PTGER3: variants seen among roughly 807,000 people sequenced by gnomAD.
PTGER3 encodes the protein prostaglandin E2 receptor EP3 subtype.
A neutral mutation model predicts 34.7 loss-of-function variants in PTGER3; 22 were observed. The ratio of observed to expected loss-of-function variants is 0.63; its 90% confidence interval spans 0.45 to 0.91. The LOEUF (loss-of-function observed/expected upper bound fraction) is 0.91. Among genes scored for constraint, PTGER3 ranks in the 40% least tolerant of loss-of-function variants. The pLI is 0.00. For missense variants in PTGER3, 468 were observed against 519.4 expected (o/e 0.90, Z 0.96); for synonymous variants, 241 against 230.1 (o/e 1.05, Z -0.43).
chr1:71,024,648 T>TC (rs1384960805), intron 1 of PTGER3, among the ~76,000 whole-genome samples: 1 of 57,312 alleles, frequency 1.7e-5, no homozygotes, highest in Non-Finnish European at 5.1e-5. Context: ...TTTCTTTCTT[T>TC]TTTTTTTTTT....
chr1:70,971,342 CAT>C lies in PTGER3; in HGVS notation c.*386_*387del. 4.0e-6 allele frequency: 4 copies of C among 997,906 alleles called. No homozygotes were observed. Among genetic ancestry groups the C allele is most frequent in the Non-Finnish European group, 3.6e-6 (3 of 838,538 alleles). 61.8% of individuals were successfully genotyped at this position (997,906 alleles called of 1,614,324 possible). On this transcript the variant is annotated 3_prime_UTR_variant, in exon 4 of 4. Coordinates refer to ENST00000306666, the MANE Select transcript of PTGER3 (RefSeq NM_198719.2). ...TAAGCTTATACTGATTTTTCAAACT[CAT>C]ATTGCAAAAGCAAGCTATCATGAAA...
At chr1:71,020,485 T>C (rs2244018) in intron 1 of PTGER3, among the ~76,000 whole-genome samples, 139,745 of 152,108 alleles carry the variant, frequency 0.92, 64,323 homozygotes, top group African/African-American at 0.97. Context: ...CAGTTTTTTT[T>C]TGATGATTTT....
At chr1:71,027,947 T>C (rs1659079262) in intron 1 of PTGER3, among the ~76,000 whole-genome samples, 1 of 152,222 alleles carries the variant, frequency 6.6e-6, no homozygotes, top group African/African-American at 2.4e-5. Context: ...ATGTGGCTAG[T>C]GGCTACTATG....
At chr1:70,936,510 T>C (rs1431639324) in intron 4 of PTGER3, among the ~76,000 whole-genome samples, 1 of 152,168 alleles carries the variant, frequency 6.6e-6, no homozygotes, top group Admixed American at 6.6e-5. Flanking sequence ...AAAGTCTGGA[T>C]ACTTTACATA....
rs1432097200 is a variant in PTGER3, at chr1:70,933,987, G to A, written c.*23+19776C>T. On this transcript the variant is annotated intron_variant, in intron 4 of 4. Transcript: ENST00000370931. Reference sequence around the variant, plus strand: ...AAGTGCTGAAGTAAGTATGCACATGGAAGAATAGGATGGCTCCTGTCCCTG... The same window carrying A: ...AAGTGCTGAAGTAAGTATGCACATGAAAGAATAGGATGGCTCCTGTCCCTG... Among the ~76,000 whole-genome samples, 3 of 152,106 alleles carry A rather than the reference G, an allele frequency of 2.0e-5. No homozygotes were observed. In the East Asian group the frequency reaches 5.8e-4, roughly 29 times the overall value.
chr1:70,928,917 T>A (rs866783382), intron 4 of PTGER3, among the ~76,000 whole-genome samples: 99 of 151,726 alleles, frequency 6.5e-4, no homozygotes, highest in African/African-American at 2.4e-3. Flanking sequence ...CACACATACA[T>A]ATATATAAAC....
chr1:71,039,567 A>G (rs1007740701), intron 1 of PTGER3, among the ~76,000 whole-genome samples: 51 of 147,926 alleles, frequency 3.4e-4, no homozygotes, highest in East Asian at 5.9e-4. Flanking sequence ...GGAGAATGGC[A>G]TGAACCCGGG....
At chr1:70,911,122 C>G (rs1369041682) in intron 4 of PTGER3, among the ~76,000 whole-genome samples, 1 of 151,262 alleles carries the variant, frequency 6.6e-6, no homozygotes, top group East Asian at 1.9e-4. Context: ...AAATACCACA[C>G]ATACACATGA....
intron 2 of PTGER3, among the ~76,000 whole-genome samples, chr1:70,959,657 G>A (rs759744086): frequency 2.6e-5 from 4 of 152,030 alleles, no homozygotes; most frequent in South Asian, 2.1e-4. Context: ...CACTGTGCCC[G>A]GCCCCTCTTC....
In PTGER3 at chr1:70,917,533, C is replaced by G. The variant is rs980161762; in HGVS notation, c.*23+36230G>C. On this transcript the variant is annotated intron_variant, in intron 4 of 4. Transcript: ENST00000370931. Reference sequence around the variant, plus strand: ...GCAATAAACATGAGTGTACATGTCTCTCTGACATACTGATTTCACTTTCTT... The same window carrying G: ...GCAATAAACATGAGTGTACATGTCTGTCTGACATACTGATTTCACTTTCTT... Among the ~76,000 whole-genome samples, 3 of 151,532 alleles carry G rather than the reference C, an allele frequency of 2.0e-5. No individual in the cohort carries two copies. The Admixed American group carries it at 2.0e-4, about 10-fold the overall frequency.
chr1:71,015,683 C>A (rs954594161), intron 1 of PTGER3, among the ~76,000 whole-genome samples: 2 of 152,072 alleles, frequency 1.3e-5, no homozygotes, highest in African/African-American at 4.8e-5. Context: ...CAATTCTGCT[C>A]ATGTATACTC....
At chr1:70,883,949 C>G in intron 4 of PTGER3, 2 of 244,498 alleles carry the variant, frequency 8.2e-6, no homozygotes, top group South Asian at 7.2e-5. Context: ...GCAATTCCAG[C>G]TACTTGGGAG....
intron 4 of PTGER3, among the ~76,000 whole-genome samples, chr1:70,925,129 C>G (rs912605355): frequency 1.3e-5 from 2 of 152,130 alleles, no homozygotes; most frequent in South Asian, 2.1e-4. Context: ...CTCAGCCTCC[C>G]GAGTAACTGG....
chr1:70,972,738 T>G (rs1160534366), intron 3 of PTGER3, among the ~76,000 whole-genome samples: 1 of 152,080 alleles, frequency 6.6e-6, no homozygotes, highest in African/African-American at 2.4e-5. Context: ...ATGCTTATTT[T>G]ATGCTAAATA....
intron 2 of PTGER3, among the ~76,000 whole-genome samples, chr1:71,001,065 G>A (rs993063752): frequency 6.6e-6 from 1 of 152,128 alleles, no homozygotes; most frequent in Non-Finnish European, 1.5e-5. Context: ...GAAAGGAGTA[G>A]CCACTGGAAA....
chr1:70,852,960 T>G, intron 4 of PTGER3: 3 of 1,304,194 alleles, frequency 2.3e-6, no homozygotes, highest in Non-Finnish European at 3.3e-6. Flanking sequence ...TTTCAGATTA[T>G]GAACAGGAAT....
chr1:70,877,564 C>T (rs1165293189), intron 4 of PTGER3, among the ~76,000 whole-genome samples: 3 of 151,998 alleles, frequency 2.0e-5, no homozygotes, highest in Non-Finnish European at 2.9e-5. Context: ...AGCTTTTGCC[C>T]CTTGAATATG....
At chr1:70,857,071 T>C (rs1219699443) in intron 4 of PTGER3, among the ~76,000 whole-genome samples, 1 of 152,224 alleles carries the variant, frequency 6.6e-6, no homozygotes, top group Admixed American at 6.5e-5. Context: ...TATTGGAAAA[T>C]ATTGTACTTT....
intron 2 of PTGER3, chr1:71,011,593 A>C (rs1657451971): frequency 1.0e-6 from 1 of 984,760 alleles, no homozygotes; most frequent in Non-Finnish European, 1.2e-6. Flanking sequence ...AACAAATGGA[A>C]TTGGTTCTTA....
Sources: gnomAD v4.1 joint callset for allele counts (sites outside exome capture counted in the v4.1 genomes callset) on GRCh38, gnomAD v4.1.1 for gene constraint, MANE v1.5 for transcripts, NCBI Gene and HGNC (gene_info 2026-07-23, HGNC 2026-07-21) for gene names.